GNAQ: variants seen among roughly 807,000 people sequenced by gnomAD.
GNAQ encodes the protein G protein subunit alpha q.
In GNAQ, 8 loss-of-function variants were observed where a neutral mutation model predicts 43.9. The observed-to-expected ratio is 0.18, with a 90% CI of 0.11 to 0.33. GNAQ has a LOEUF of 0.33. Ranked by LOEUF, GNAQ falls within the 10% of genes least tolerant of loss-of-function variation. The pLI, the probability that GNAQ is intolerant of heterozygous loss-of-function variation, is 1.00. For synonymous variants in GNAQ, 155 were observed against 170.7 expected, an observed-to-expected ratio of 0.91 and a Z score of 0.71; for missense variants, 158 against 450.8, an observed-to-expected ratio of 0.35 and a Z score of 5.88.
intron 1 of GNAQ, among the ~76,000 whole-genome samples, chr9:78,008,670 G>A (rs568506453): frequency 9.2e-5 from 14 of 151,924 alleles, no homozygotes; most frequent in South Asian, 2.1e-4. Context: ...CCAGGCTGGA[G>A]TACAGTAGCA....
intron 1 of GNAQ, among the ~76,000 whole-genome samples, chr9:77,927,266 A>G (rs563966448): frequency 1.3e-5 from 2 of 152,352 alleles, no homozygotes; most frequent in South Asian, 4.1e-4. Flanking sequence ...TAGTAAAATG[A>G]CCATTTTAAA....
intron 2 of GNAQ, among the ~76,000 whole-genome samples, chr9:77,824,735 G>C (rs930909826): frequency 1.3e-5 from 2 of 152,092 alleles, no homozygotes; most frequent in African/African-American, 4.8e-5. Flanking sequence ...CACTTTATCA[G>C]CATGAACTTC....
At chr9:77,766,027 G>T (rs1025247505) in intron 5 of GNAQ, among the ~76,000 whole-genome samples, 1 of 152,204 alleles carries the variant, frequency 6.6e-6, no homozygotes, top group Admixed American at 6.5e-5. Context: ...GAGGTACACA[G>T]AGTAGTCAAA....
intron 1 of GNAQ, among the ~76,000 whole-genome samples, chr9:77,928,312 T>G (rs568880649): frequency 3.3e-5 from 5 of 152,152 alleles, no homozygotes; most frequent in Non-Finnish European, 7.3e-5. Flanking sequence ...TGAATACAAT[T>G]AACCATTTGT....
In GNAQ at chr9:77,982,035, C is replaced by G. The variant is rs1823374589; in HGVS notation, c.136+49065G>C. Among the ~76,000 whole-genome samples the G allele has an allele frequency of 2.0e-5, 3 of 152,134 alleles. No individual in the cohort carries two copies. The East Asian group carries it at 5.8e-4, about 29-fold the overall frequency. ...TCTTGGTATCTGATTTAGGTTCCTACCTGGAAGCTGGGTCACATCAAGCCA... is the reference window on the plus strand; with the variant it reads ...TCTTGGTATCTGATTTAGGTTCCTAGCTGGAAGCTGGGTCACATCAAGCCA... On this transcript the variant is annotated intron_variant, in intron 1 of 6. Coordinates refer to ENST00000286548, the MANE Select transcript of GNAQ (RefSeq NM_002072.5).
chr9:77,777,041 A>G (rs2118390194), intron 5 of GNAQ, among the ~76,000 whole-genome samples: 1 of 152,276 alleles, frequency 6.6e-6, no homozygotes, highest in East Asian at 1.9e-4. Context: ...AGACATGTGC[A>G]TCAGTGTAAT....
At chr9:77,862,695 G>T (rs1193531839) in intron 2 of GNAQ, among the ~76,000 whole-genome samples, 3 of 152,232 alleles carry the variant, frequency 2.0e-5, no homozygotes, top group Non-Finnish European at 4.4e-5. Flanking sequence ...TTGTCTTGGG[G>T]ATTAACATTT....
intron 1 of GNAQ, among the ~76,000 whole-genome samples, chr9:77,948,582 C>T (rs926475909): frequency 6.6e-6 from 1 of 152,160 alleles, no homozygotes; most frequent in African/African-American, 2.4e-5. Context: ...CAAGAATTAA[C>T]ACAGCGTCCT....
At chr9:77,980,013 T>C (rs1411775662) in intron 1 of GNAQ, among the ~76,000 whole-genome samples, 1 of 152,094 alleles carries the variant, frequency 6.6e-6, no homozygotes. Flanking sequence ...TTTATGAAAA[T>C]AGACAAAGTT....
chr9:77,738,108 G>C (rs1175005555), intron 5 of GNAQ, among the ~76,000 whole-genome samples: 1 of 152,190 alleles, frequency 6.6e-6, no homozygotes, highest in Non-Finnish European at 1.5e-5. Flanking sequence ...GTAAACAGAG[G>C]ACGTGGTGGT....
chr9:77,904,262 C>T (rs558020236), intron 2 of GNAQ, among the ~76,000 whole-genome samples: 2 of 145,576 alleles, frequency 1.4e-5, no homozygotes, highest in East Asian at 4.4e-4. Flanking sequence ...TGTAAATAAT[C>T]AATTTCTAGA....
intron 1 of GNAQ, among the ~76,000 whole-genome samples, chr9:77,948,804 G>C (rs1200218778): frequency 6.6e-6 from 1 of 152,014 alleles, no homozygotes; most frequent in Non-Finnish European, 1.5e-5. Flanking sequence ...ACTGAACCTG[G>C]ACCCTAAGGA....
At chr9:77,828,124 TG>T (rs2118544505) in intron 2 of GNAQ, among the ~76,000 whole-genome samples, 1 of 126,232 alleles carries the variant, frequency 7.9e-6, no homozygotes, top group Non-Finnish European at 1.6e-5. Flanking sequence ...GCTGGTATGG[TG>T]GTATGAGGTG....
At chr9:77,917,713 G>C (rs1450059005) in intron 2 of GNAQ, among the ~76,000 whole-genome samples, 1 of 152,078 alleles carries the variant, frequency 6.6e-6, no homozygotes, top group Non-Finnish European at 1.5e-5. Flanking sequence ...ATCAATATTT[G>C]TGTTCAGGGA....
intron 2 of GNAQ, among the ~76,000 whole-genome samples, chr9:77,917,862 G>C (rs1364884956): frequency 6.6e-6 from 1 of 152,124 alleles, no homozygotes; most frequent in African/African-American, 2.4e-5. Flanking sequence ...AAAAGTACAA[G>C]AACAGGACAA....
chr9:77,786,065 A>G (rs1826471834), intron 5 of GNAQ, among the ~76,000 whole-genome samples: 1 of 152,192 alleles, frequency 6.6e-6, no homozygotes, highest in Admixed American at 6.5e-5. Flanking sequence ...ATTAATATCA[A>G]TGGGAAGGAG....
chr9:77,746,389 C>G (rs1346707099), intron 5 of GNAQ, among the ~76,000 whole-genome samples: 1 of 152,024 alleles, frequency 6.6e-6, no homozygotes, highest in Non-Finnish European at 1.5e-5. Context: ...TAAAATGCAA[C>G]GGAACAACCA....
intron 1 of GNAQ, among the ~76,000 whole-genome samples, chr9:78,025,335 T>C (rs780460173): frequency 2.0e-5 from 3 of 152,178 alleles, no homozygotes; most frequent in African/African-American, 4.8e-5. Flanking sequence ...CAAAATAGTG[T>C]TTGGGTCTGA....
chr9:77,733,136 G>T (rs1311450983), intron 5 of GNAQ, among the ~76,000 whole-genome samples: 1 of 152,178 alleles, frequency 6.6e-6, no homozygotes, highest in African/African-American at 2.4e-5. Flanking sequence ...GGCCCTGAGG[G>T]AGAAAGATGG....
Sources: gnomAD v4.1 joint callset for allele counts (sites outside exome capture counted in the v4.1 genomes callset) on GRCh38, gnomAD v4.1.1 for gene constraint, MANE v1.5 for transcripts, NCBI Gene and HGNC (gene_info 2026-07-23, HGNC 2026-07-21) for gene names.